The following AGBL1 variants were observed in gnomAD, a reference collection of about 807,000 sequenced individuals.
The protein encoded by AGBL1 is cytosolic carboxypeptidase 4.
Under a neutral mutation model 118.9 loss-of-function variants are expected in AGBL1, and 130 were observed. That is an observed-to-expected ratio of 1.09 (90% CI 0.95 to 1.26). The LOEUF (loss-of-function observed/expected upper bound fraction) is 1.26, where lower values mean the gene tolerates loss of function less well. AGBL1 is among the 50% of genes most tolerant of loss of function. AGBL1 has a pLI of 0.00. For missense variants in AGBL1, 1,584 were observed against 1,298.1 expected, an observed-to-expected ratio of 1.22 and a Z score of -3.38; for synonymous variants, 555 against 478.9, an observed-to-expected ratio of 1.16 and a Z score of -2.08.
chr15:86,487,145 T>C (rs930228958), intron 18 of AGBL1, among the ~76,000 whole-genome samples: 10 of 152,058 alleles, frequency 6.6e-5, no homozygotes, highest in African/African-American at 2.4e-4. Flanking sequence ...CTTCCAGAAC[T>C]GTCACCGGAG....
intron 22 of AGBL1, among the ~76,000 whole-genome samples, chr15:86,843,063 C>G (rs569798684): frequency 7.2e-5 from 11 of 152,238 alleles, no homozygotes; most frequent in African/African-American, 2.6e-4. Flanking sequence ...GGGCCGTCTA[C>G]CAAGCACTTT....
intron 22 of AGBL1, among the ~76,000 whole-genome samples, chr15:86,891,273 G>C (rs573181810): frequency 6.6e-6 from 1 of 152,250 alleles, no homozygotes; most frequent in East Asian, 1.9e-4. Flanking sequence ...ATCAGCTTAA[G>C]AAGCTTTTGG....
chr15:86,527,069 T>G (rs763630387), intron 19 of AGBL1, among the ~76,000 whole-genome samples: 14 of 152,112 alleles, frequency 9.2e-5, no homozygotes, highest in Non-Finnish European at 2.1e-4. Flanking sequence ...TTCTCCCTCC[T>G]GCAATCTTAG....
chr15:86,750,150 GT>G (rs1394951882), intron 22 of AGBL1, among the ~76,000 whole-genome samples: 2 of 151,864 alleles, frequency 1.3e-5, no homozygotes, highest in Non-Finnish European at 2.9e-5. Flanking sequence ...CTGCAGAAAA[GT>G]TTTCTAGTCA....
At chr15:86,541,513 G>A (rs1042731892) in intron 19 of AGBL1, among the ~76,000 whole-genome samples, 15 of 148,458 alleles carry the variant, frequency 1.0e-4, no homozygotes, top group African/African-American at 3.7e-4. Flanking sequence ...GATAACCTGA[G>A]CCCAGGATCT....
intron 22 of AGBL1, among the ~76,000 whole-genome samples, chr15:86,835,971 CT>C (rs1329971406): frequency 6.6e-6 from 1 of 152,166 alleles, no homozygotes; most frequent in Admixed American, 6.6e-5. Context: ...AAAACAGTTT[CT>C]TATCTTTCAT....
chr15:86,129,756 A>G (rs562133036), intron 1 of AGBL1, among the ~76,000 whole-genome samples: 14 of 152,312 alleles, frequency 9.2e-5, no homozygotes, highest in African/African-American at 3.4e-4. Context: ...CTGCCCCAAA[A>G]TACCAATAGT....
chr15:86,948,832 T>G (rs1006175043), intron 23 of AGBL1, among the ~76,000 whole-genome samples: 3 of 152,234 alleles, frequency 2.0e-5, no homozygotes, highest in Non-Finnish European at 4.4e-5. Context: ...TCAAGAATGT[T>G]TAATACACTA....
At chr15:86,919,831 C>A (rs1330791558), downstream of AGBL1, among the ~76,000 whole-genome samples, 5 of 152,092 alleles carry the variant, frequency 3.3e-5, no homozygotes, top group Admixed American at 2.6e-4. Flanking sequence ...ATGTGTCCAG[C>A]CTGTAAAGCA....
intron 1 of AGBL1, chr15:86,138,467 T>G (rs2076918656): frequency 1.3e-5 from 2 of 152,260 alleles, no homozygotes; most frequent in South Asian, 4.1e-4. Context: ...CTGCCAGCTG[T>G]TCATCTCAGC....
At chr15:86,901,471 A>T (rs1004040398) in intron 22 of AGBL1, among the ~76,000 whole-genome samples, 2 of 152,122 alleles carry the variant, frequency 1.3e-5, no homozygotes, top group Non-Finnish European at 2.9e-5. Context: ...GTTTGTATAC[A>T]TAATGGTGTC....
At chr15:86,831,373 G>A (rs1228834779) in intron 22 of AGBL1, among the ~76,000 whole-genome samples, 1 of 152,136 alleles carries the variant, frequency 6.6e-6, no homozygotes, top group Non-Finnish European at 1.5e-5. Flanking sequence ...ATAGTCCAAA[G>A]TCTCATCTGA....
chr15:86,957,802 C>A (rs1468458245), intron 23 of AGBL1, among the ~76,000 whole-genome samples: 1 of 152,010 alleles, frequency 6.6e-6, no homozygotes, highest in Non-Finnish European at 1.5e-5. Context: ...AATGTTAATT[C>A]AATTAAAATG....
intron 18 of AGBL1, among the ~76,000 whole-genome samples, chr15:86,505,465 C>T (rs904157400): frequency 5.9e-5 from 9 of 151,774 alleles, no homozygotes; most frequent in African/African-American, 1.9e-4. Flanking sequence ...TTTTTAGATC[C>T]TTTCTTCTCT....
chr15:86,719,048 A>G (rs1344078415), intron 22 of AGBL1, among the ~76,000 whole-genome samples: 1 of 152,098 alleles, frequency 6.6e-6, no homozygotes, highest in African/African-American at 2.4e-5. Flanking sequence ...TTTTCTCTCC[A>G]AAGAGAAAAA....
At chr15:86,919,517 C>A (rs749464383), downstream of AGBL1, among the ~76,000 whole-genome samples, 2 of 151,832 alleles carry the variant, frequency 1.3e-5, no homozygotes, top group Admixed American at 6.6e-5. Flanking sequence ...TGAATTGACA[C>A]TGAAATCTCT....
chr15:86,246,664 A>G lies in AGBL1; in HGVS notation c.527-1007A>G, dbSNP rs773053783. Among the ~76,000 whole-genome samples, 5 of 152,068 alleles carry G rather than the reference A, an allele frequency of 3.3e-5. No individual in the cohort carries two copies. The Middle Eastern group carries it at 0.01, about 310-fold the overall frequency. ...GCAAGTTTTCTCTAGGTCAGAGGCA[A>G]CAGGGTATGACTGGGTTTCAAGCAA... is the stretch of plus-strand genomic sequence containing the variant. On this transcript the variant is annotated intron_variant, in intron 6 of 22. Transcript: ENST00000614907.
intron 17 of AGBL1, among the ~76,000 whole-genome samples, chr15:86,317,441 A>G (rs1472033750): frequency 6.6e-6 from 1 of 152,240 alleles, no homozygotes; most frequent in African/African-American, 2.4e-5. Context: ...ACAGCACTGG[A>G]GAAATTAGGA....
At chr15:86,814,157 G>A (rs939514323) in intron 22 of AGBL1, among the ~76,000 whole-genome samples, 3 of 152,158 alleles carry the variant, frequency 2.0e-5, no homozygotes, top group Admixed American at 6.5e-5. Flanking sequence ...GAGCATTACC[G>A]CCTGAGCTCT....
Sources: gnomAD v4.1 joint callset for allele counts (sites outside exome capture counted in the v4.1 genomes callset) on GRCh38, gnomAD v4.1.1 for gene constraint, MANE v1.5 for transcripts, NCBI Gene and HGNC (gene_info 2026-07-23, HGNC 2026-07-21) for gene names.